The following GPHN variants were observed in gnomAD, a reference collection of about 807,000 sequenced individuals.
GPHN encodes the protein gephyrin.
Under a neutral mutation model 95.5 loss-of-function variants are expected in GPHN, and 17 were observed. The observed-to-expected ratio is 0.18, with a 90% CI of 0.12 to 0.27. The LOEUF (loss-of-function observed/expected upper bound fraction) is 0.27, where lower values mean the gene tolerates loss of function less well. Ranked by LOEUF, GPHN falls within the 10% of genes least tolerant of loss-of-function variation. The pLI is 1.00. For missense variants in GPHN, 660 were observed against 978.1 expected (o/e 0.67, Z 4.34); for synonymous variants, 320 against 322.5 (o/e 0.99, Z 0.08).
chr14:67,200,116 C>T, the GPHN span: 2 of 1,052,332 alleles, frequency 1.9e-6, no homozygotes, highest in East Asian at 2.4e-5. Flanking sequence ...GGGCATGCCC[C>T]CCCGAAGGCC....
chr14:66,898,225 A>G (rs988823782), intron 5 of GPHN, among the ~76,000 whole-genome samples: 1 of 151,890 alleles, frequency 6.6e-6, no homozygotes, highest in Non-Finnish European at 1.5e-5. Flanking sequence ...CCAATTTATC[A>G]TCTTTTTCTT....
intron 2 of GPHN, among the ~76,000 whole-genome samples, chr14:66,737,557 G>A (rs908211950): frequency 4.6e-5 from 7 of 152,044 alleles, no homozygotes; most frequent in Middle Eastern, 6.8e-3. Flanking sequence ...GTTACTGACT[G>A]CATCTGAATT....
chr14:67,566,996 C>T, the GPHN span, among the ~76,000 whole-genome samples: 1 of 152,098 alleles, frequency 6.6e-6, no homozygotes, highest in Admixed American at 6.6e-5. Context: ...CCTCCCTGCC[C>T]CCAGCTAGGC....
chr14:66,723,569 A>T (rs1261106783), intron 2 of GPHN, among the ~76,000 whole-genome samples: 1 of 151,820 alleles, frequency 6.6e-6, no homozygotes, highest in African/African-American at 2.4e-5. Context: ...ATAAACAAAA[A>T]CCTTGTTTTT....
chr14:67,220,539 G>A, the GPHN span, among the ~76,000 whole-genome samples: 1 of 151,958 alleles, frequency 6.6e-6, no homozygotes, highest in South Asian at 2.1e-4. Context: ...AAATCTAGAT[G>A]AGTGAAAAAT....
At chr14:67,653,995 C>T in the GPHN span, among the ~76,000 whole-genome samples, 1 of 152,198 alleles carries the variant, frequency 6.6e-6, no homozygotes, top group Admixed American at 6.5e-5. Flanking sequence ...GAACTTTCAA[C>T]TGCTTGCTAC....
chr14:67,600,736 C>T, the GPHN span, among the ~76,000 whole-genome samples: 1 of 152,294 alleles, frequency 6.6e-6, no homozygotes, highest in East Asian at 1.9e-4. Flanking sequence ...CGCGCCACCA[C>T]GCCCTGCTGA....
At chr14:67,633,808 G>A in the GPHN span, among the ~76,000 whole-genome samples, 752 of 152,316 alleles carry the variant, frequency 4.9e-3, 36 homozygotes, top group East Asian at 0.083. Flanking sequence ...AGGGCTGAAG[G>A]CATTCTCTCC....
At chr14:67,492,723 A>T in the GPHN span, among the ~76,000 whole-genome samples, 1 of 152,226 alleles carries the variant, frequency 6.6e-6, no homozygotes, top group Non-Finnish European at 1.5e-5. Flanking sequence ...AGATTTCTAA[A>T]CAACAAGGGA....
intron 2 of GPHN, among the ~76,000 whole-genome samples, chr14:66,704,463 C>G (rs955433329): frequency 6.6e-6 from 1 of 152,014 alleles, no homozygotes; most frequent in Non-Finnish European, 1.5e-5. Flanking sequence ...ATAACAGTCT[C>G]TCACACCACA....
chr14:67,654,606 TAAG>T, the GPHN span, among the ~76,000 whole-genome samples: 3 of 152,178 alleles, frequency 2.0e-5, no homozygotes, highest in African/African-American at 7.2e-5. Context: ...CTGAAGCTAT[TAAG>T]AAAATCTACT....
chr14:67,424,299 G>A, the GPHN span, among the ~76,000 whole-genome samples: 1 of 151,588 alleles, frequency 6.6e-6, no homozygotes, highest in African/African-American at 2.4e-5. Context: ...GAGAGGAGAA[G>A]CTAAAATATT....
At chr14:67,488,471 C>T in the GPHN span, 983 of 152,594 alleles carry the variant, frequency 6.4e-3, 5 homozygotes, top group Non-Finnish European at 0.011. Flanking sequence ...CCTTCACAAA[C>T]GGGACCCTCC....
At chr14:67,733,133 TA>T in the GPHN span, among the ~76,000 whole-genome samples, 78,776 of 150,830 alleles carry the variant, frequency 0.52, 21,775 homozygotes, top group Non-Finnish European at 0.63. Context: ...ATAATAAAAT[TA>T]AAAAAAACAA....
At chr14:67,276,719 G>A in the GPHN span, among the ~76,000 whole-genome samples, 88 of 152,272 alleles carry the variant, frequency 5.8e-4, no homozygotes, top group African/African-American at 2.1e-3. Context: ...GAAATTTAAA[G>A]CAGATTACTA....
chr14:66,813,960 ACCAGCCTGCACGCTCCCTCC>A (rs1472918439), intron 3 of GPHN, among the ~76,000 whole-genome samples: 2 of 152,112 alleles, frequency 1.3e-5, no homozygotes, highest in African/African-American at 2.4e-5. Context: ...ATGGCCACGC[ACCAGCCTGCACGCTCCCTCC>A]CCAGCCTGTG....
intron 1 of GPHN, among the ~76,000 whole-genome samples, chr14:66,514,326 T>G (rs1800870972): frequency 6.6e-6 from 1 of 151,976 alleles, no homozygotes; most frequent in African/African-American, 2.4e-5. Flanking sequence ...TTATTGACAC[T>G]TCATGGCAAA....
intron 6 of GPHN, among the ~76,000 whole-genome samples, chr14:66,918,487 G>A (rs1189900838): frequency 3.3e-5 from 5 of 152,072 alleles, no homozygotes; most frequent in African/African-American, 9.7e-5. Context: ...TTTTATGCAG[G>A]TGCAAAAAAA....
At chr14:67,594,021 G>A in the GPHN span, 5 of 984,514 alleles carry the variant, frequency 5.1e-6, no homozygotes, top group Admixed American at 4.0e-5. Flanking sequence ...GCAATGAGGG[G>A]AACATGCATG....
Sources: gnomAD v4.1 joint callset for allele counts (sites outside exome capture counted in the v4.1 genomes callset) on GRCh38, gnomAD v4.1.1 for gene constraint, MANE v1.5 for transcripts, NCBI Gene and HGNC (gene_info 2026-07-23, HGNC 2026-07-21) for gene names.